Variants in VPS41 observed in about 807,000 individuals in gnomAD.
VPS41 encodes vacuolar protein sorting-associated protein 41 homolog.
VPS41 carries 85 observed loss-of-function variants against 130.9 expected under a neutral mutation model. That is an observed-to-expected ratio of 0.65 (90% confidence interval 0.55 to 0.78). VPS41 has a LOEUF of 0.78. VPS41 is among the 30% of genes least tolerant of loss of function. The pLI, the probability that VPS41 is intolerant of heterozygous loss-of-function variation, is 0.00. For synonymous variants in VPS41, 335 were observed against 332.9 expected (o/e 1.01, Z -0.07); for missense variants, 874 against 1,018.7 (o/e 0.86, Z 1.93).
At chr7:38,900,341 T>C (rs558777096) in intron 1 of VPS41, among the ~76,000 whole-genome samples, 2 of 152,022 alleles carry the variant, frequency 1.3e-5, no homozygotes, top group South Asian at 4.2e-4. Flanking sequence ...TACTTATAAG[T>C]AGAAGCTAAA....
chr7:38,864,587 T>C (rs1040619448), intron 3 of VPS41, among the ~76,000 whole-genome samples: 1 of 152,180 alleles, frequency 6.6e-6, no homozygotes, highest in African/African-American at 2.4e-5. Flanking sequence ...GTTATTTAAC[T>C]ACCAATATTA....
intron 7 of VPS41, among the ~76,000 whole-genome samples, chr7:38,815,947 T>C (rs897279607): frequency 1.4e-5 from 2 of 146,466 alleles, no homozygotes; most frequent in Non-Finnish European, 3.1e-5. Flanking sequence ...TATATACACA[T>C]ATATACACAC....
intron 6 of VPS41, among the ~76,000 whole-genome samples, chr7:38,819,596 A>T (rs1276054797): frequency 6.6e-6 from 1 of 152,112 alleles, no homozygotes; most frequent in African/African-American, 2.4e-5. Context: ...AAATCACCAC[A>T]TAGAATGCCC....
intron 25 of VPS41, among the ~76,000 whole-genome samples, chr7:38,737,722 GTTT>G: frequency 6.6e-6 from 1 of 152,178 alleles, no homozygotes; most frequent in Non-Finnish European, 1.5e-5. Context: ...GTCCAGAGGA[GTTT>G]CCATCACAGT....
intron 2 of VPS41, among the ~76,000 whole-genome samples, chr7:38,879,800 A>G (rs947043927): frequency 6.6e-6 from 1 of 152,112 alleles, no homozygotes; most frequent in East Asian, 1.9e-4. Context: ...CACTGCGCAC[A>G]TGGACCGGTG....
At chr7:38,831,686 G>A (rs1785389890) in intron 4 of VPS41, among the ~76,000 whole-genome samples, 1 of 152,104 alleles carries the variant, frequency 6.6e-6, no homozygotes, top group African/African-American at 2.4e-5. Context: ...CAAAGACCTG[G>A]CATACACAAG....
At chr7:38,751,937 C>G (rs1179292563) in intron 22 of VPS41, among the ~76,000 whole-genome samples, 1 of 152,218 alleles carries the variant, frequency 6.6e-6, no homozygotes, top group African/African-American at 2.4e-5. Flanking sequence ...CTGGATTAAG[C>G]TGTTCTTCCA....
At chr7:38,836,679 G>A (rs1284041589) in intron 4 of VPS41, among the ~76,000 whole-genome samples, 4 of 101,338 alleles carry the variant, frequency 3.9e-5, no homozygotes, top group African/African-American at 1.4e-4. Flanking sequence ...ATCAAACCAA[G>A]TAAACAGTCA....
intron 17 of VPS41, among the ~76,000 whole-genome samples, chr7:38,758,882 A>G (rs1584379152): frequency 6.6e-6 from 1 of 152,366 alleles, no homozygotes; most frequent in East Asian, 1.9e-4. Context: ...GGGCTCCCCA[A>G]GAGCTGAACA....
intron 4 of VPS41, among the ~76,000 whole-genome samples, chr7:38,833,626 A>G (rs1272300209): frequency 6.6e-6 from 1 of 152,128 alleles, no homozygotes; most frequent in East Asian, 1.9e-4. Context: ...ATTTTACCCA[A>G]ACATTTCATA....
At chr7:38,762,403 G>A (rs1004605625) in intron 17 of VPS41, among the ~76,000 whole-genome samples, 3 of 152,128 alleles carry the variant, frequency 2.0e-5, no homozygotes, top group Non-Finnish European at 4.4e-5. Context: ...TATGTTTGTC[G>A]TTAATATTAA....
chr7:38,852,479 C>T (rs1785880446), intron 4 of VPS41, among the ~76,000 whole-genome samples: 1 of 152,166 alleles, frequency 6.6e-6, no homozygotes, highest in Non-Finnish European at 1.5e-5. Context: ...TGGGTTGATA[C>T]CTAGCCCAAC....
At chr7:38,902,068 G>A (rs1179080209) in intron 1 of VPS41, among the ~76,000 whole-genome samples, 1 of 152,008 alleles carries the variant, frequency 6.6e-6, no homozygotes, top group Non-Finnish European at 1.5e-5. Context: ...CCTTTCTTTT[G>A]CAAACCAATC....
intron 2 of VPS41, among the ~76,000 whole-genome samples, chr7:38,872,601 A>C (rs1455268996): frequency 6.6e-6 from 1 of 152,186 alleles, no homozygotes; most frequent in South Asian, 2.1e-4. Flanking sequence ...TTTAAGAACT[A>C]ATAGCAACAA....
intron 17 of VPS41, among the ~76,000 whole-genome samples, chr7:38,761,042 G>A (rs1442261101): frequency 1.3e-5 from 2 of 152,032 alleles, no homozygotes; most frequent in Non-Finnish European, 2.9e-5. Context: ...ATATTAATAT[G>A]ATTGAAATTT....
intron 14 of VPS41, 54 bp from the exon 15 acceptor site, chr7:38,767,652 T>C (rs965812273): frequency 5.7e-6 from 8 of 1,406,932 alleles, no homozygotes; most frequent in Non-Finnish European, 8.0e-6. Flanking sequence ...AACTGAAAAG[T>C]TGAGTCTCGG....
intron 7 of VPS41, among the ~76,000 whole-genome samples, chr7:38,804,491 T>C (rs540575335): frequency 6.6e-6 from 1 of 152,352 alleles, no homozygotes; most frequent in Non-Finnish European, 1.5e-5. Context: ...TTGCAGTTAA[T>C]TCTGCGAAAC....
At chr7:38,817,201 G>C (rs1250259530) in intron 7 of VPS41, among the ~76,000 whole-genome samples, 2 of 152,066 alleles carry the variant, frequency 1.3e-5, no homozygotes, top group Non-Finnish European at 2.9e-5. Flanking sequence ...TAGTTTAAGT[G>C]TGCTTTTGTT....
intron 2 of VPS41, among the ~76,000 whole-genome samples, chr7:38,879,143 C>A (rs1786549482): frequency 6.6e-6 from 1 of 152,130 alleles, no homozygotes; most frequent in African/African-American, 2.4e-5. Flanking sequence ...AATTAACATG[C>A]CCAAGTAAGA....
Sources: allele counts gnomAD v4.1 joint callset (sites outside exome capture counted in the v4.1 genomes callset), GRCh38; gene constraint gnomAD v4.1.1; transcripts MANE v1.5; gene names NCBI Gene and HGNC (gene_info 2026-07-23, HGNC 2026-07-21).